The following TSHZ2 variants were observed in gnomAD, a reference collection of about 807,000 sequenced individuals.
TSHZ2 encodes the protein teashirt zinc finger homeobox 2.
A neutral mutation model predicts 74.4 loss-of-function variants in TSHZ2; 21 were observed. That is an observed-to-expected ratio of 0.28 (90% CI 0.20 to 0.41). The LOEUF (loss-of-function observed/expected upper bound fraction) is 0.41. Among genes scored for constraint, TSHZ2 ranks in the 10% least tolerant of loss-of-function variants. The pLI is 1.00. For synonymous variants in TSHZ2, 540 were observed against 515.3 expected (o/e 1.05, Z -0.65); for missense variants, 1,244 against 1,293.5 (o/e 0.96, Z 0.59).
intron 1 of TSHZ2, among the ~76,000 whole-genome samples, chr20:53,020,624 G>A (rs1983209160): frequency 6.6e-6 from 1 of 152,124 alleles, no homozygotes; most frequent in Non-Finnish European, 1.5e-5. Flanking sequence ...CTGGGCCAGG[G>A]GTGAATATCA....
At chr20:53,159,664 A>C (rs377019971) in intron 1 of TSHZ2, among the ~76,000 whole-genome samples, 1 of 151,464 alleles carries the variant, frequency 6.6e-6, no homozygotes, top group Non-Finnish European at 1.5e-5. Flanking sequence ...AAAAAAAAAA[A>C]CAGGAAAACA....
intron 2 of TSHZ2, among the ~76,000 whole-genome samples, chr20:53,314,778 C>G (rs34344491): frequency 6.6e-6 from 1 of 151,968 alleles, no homozygotes; most frequent in East Asian, 1.9e-4. Flanking sequence ...CCTGCCACCA[C>G]GCCTGGCTAA....
At chr20:53,109,699 G>A (rs1986477292) in intron 1 of TSHZ2, among the ~76,000 whole-genome samples, 1 of 152,202 alleles carries the variant, frequency 6.6e-6, no homozygotes, top group Non-Finnish European at 1.5e-5. Context: ...TGTGGATGTA[G>A]TTGCGGCTGC....
chr20:53,462,324 AC>A (rs1211950944), intron 2 of TSHZ2, among the ~76,000 whole-genome samples: 1 of 152,206 alleles, frequency 6.6e-6, no homozygotes, highest in Non-Finnish European at 1.5e-5. Context: ...GCCCATCTTA[AC>A]AGCCTCATGT....
rs571151521 is a variant in TSHZ2 at position 53,461,315 on chromosome 20, G to A, written c.*9-25829G>A. ...AGTGACCCGATTTCCAGGTGCGTCC[G>A]TCACCCTTTTCTTTGATTAGGAAAG... On this transcript the variant is annotated intron_variant, in intron 2 of 2. Transcript: ENST00000371497. 3.2e-4 allele frequency among the ~76,000 whole-genome samples: 48 copies of A among 152,318 alleles called. No homozygotes were observed. In the Middle Eastern group the frequency reaches 0.01, roughly 32 times the overall value.
chr20:53,181,230 T>C (rs1055459887), intron 1 of TSHZ2, among the ~76,000 whole-genome samples: 1 of 152,204 alleles, frequency 6.6e-6, no homozygotes, highest in African/African-American at 2.4e-5. Context: ...TGAAATGATA[T>C]TGTTCATGGG....
At chr20:53,294,918 TAA>T (rs765932442) in intron 2 of TSHZ2, among the ~76,000 whole-genome samples, 3 of 152,186 alleles carry the variant, frequency 2.0e-5, no homozygotes, top group Admixed American at 6.5e-5. Flanking sequence ...TGCGGTTACA[TAA>T]AGACACGAGT....
rs1358648334 is a variant in TSHZ2, at chr20:53,256,321, G to A, written c.2863G>A (p.Asp955Asn). The change falls in exon 2 of 3, where the codon GAC becomes AAC. Residue 955 changes from aspartate to asparagine, a missense_variant. Asp to Asn is a conservative substitution (Grantham distance 23, BLOSUM62 1). Transcript: ENST00000371497. The surrounding 1 kb of genome is among the most constrained non-coding windows in gnomAD (Gnocchi z 4.3). ...ATCTCACCTGGGTTTCCAAATGAAG[G>A]ACATGACCCGCTTGTCAGTGGACCA... ...LESHLGFQMK[D>N]MTRLSVDQQS... 1 of 1,613,838 alleles carries A rather than the reference G, an allele frequency of 6.2e-7. No homozygotes were observed. The highest frequency in any genetic ancestry group is 1.3e-5 in the African/African-American group (1 of 74,896).
intron 2 of TSHZ2, among the ~76,000 whole-genome samples, chr20:53,362,905 C>G (rs1191274256): frequency 6.6e-6 from 1 of 152,234 alleles, no homozygotes; most frequent in African/African-American, 2.4e-5. Context: ...CTCATCTCCA[C>G]ACATCAAAAG....
chr20:53,258,762 T>G (rs1441710070), intron 2 of TSHZ2, among the ~76,000 whole-genome samples: 1 of 152,214 alleles, frequency 6.6e-6, no homozygotes, highest in African/African-American at 2.4e-5. Flanking sequence ...TATATCTAAT[T>G]TGGACCTCGA....
intron 2 of TSHZ2, among the ~76,000 whole-genome samples, chr20:53,334,258 A>AG (rs1225854545): frequency 6.6e-6 from 1 of 152,140 alleles, no homozygotes; most frequent in Non-Finnish European, 1.5e-5. Flanking sequence ...AGCTCGTGGG[A>AG]GGGGGTTAGG....
intron 1 of TSHZ2, among the ~76,000 whole-genome samples, chr20:52,996,307 TTTTATTTATTTATTTATTTA>T (rs56169663): frequency 0.021 from 3,035 of 145,324 alleles, 42 homozygotes; most frequent in Middle Eastern, 0.043. Context: ...CCTTTCAGGT[TTTTATTTATTTATTTATTTA>T]TTTATTTATT....
intron 2 of TSHZ2, among the ~76,000 whole-genome samples, chr20:53,277,943 A>C (rs1031189342): frequency 2.0e-5 from 3 of 152,204 alleles, no homozygotes; most frequent in African/African-American, 4.8e-5. Flanking sequence ...TCCTCCTGCC[A>C]GGACTGATGC....
chr20:53,364,058 G>A (rs1045314402), intron 2 of TSHZ2, among the ~76,000 whole-genome samples: 3 of 152,156 alleles, frequency 2.0e-5, no homozygotes, highest in Non-Finnish European at 4.4e-5. Context: ...AAACAGGAGA[G>A]GGGAAGAAGG....
intron 1 of TSHZ2, among the ~76,000 whole-genome samples, chr20:53,010,483 G>A (rs1234376757): frequency 6.6e-6 from 1 of 152,090 alleles, no homozygotes; most frequent in Non-Finnish European, 1.5e-5. Context: ...GAACCAGCTG[G>A]ATGCAAGATC....
rs569548626 is a variant in TSHZ2 at position 53,216,701 on chromosome 20, C to T, written c.41-36798C>T. On this transcript the variant is annotated intron_variant, in intron 1 of 2. Transcript: ENST00000371497. ...CAATGTGTCACTCTCTGATTTGTCA[C>T]CTGGAGAACACAGCGCAGACATGTT... Among the ~76,000 whole-genome samples the T allele has an allele frequency of 3.5e-4, 53 of 152,322 alleles. No homozygotes were observed. In the Middle Eastern group the frequency reaches 0.01, roughly 29 times the overall value.
chr20:53,427,693 G>A (rs4811437), intron 2 of TSHZ2, among the ~76,000 whole-genome samples: 4,158 of 152,258 alleles, frequency 0.027, 173 homozygotes, highest in East Asian at 0.18. Flanking sequence ...GAAGTGAATA[G>A]CTCTATCCAC....
chr20:53,138,120 T>C (rs58660622), intron 1 of TSHZ2, among the ~76,000 whole-genome samples: 13,005 of 152,174 alleles, frequency 0.085, 819 homozygotes, highest in Admixed American at 0.18. Flanking sequence ...CAGTGGCTCA[T>C]GCCTGTAATC....
chr20:53,251,902 A>G (rs1203509470), intron 1 of TSHZ2, among the ~76,000 whole-genome samples: 1 of 152,200 alleles, frequency 6.6e-6, no homozygotes, highest in Non-Finnish European at 1.5e-5. Context: ...AGATAGCAGC[A>G]TCTCCTGTAT....
Sources: gnomAD v4.1 joint callset for allele counts (sites outside exome capture counted in the v4.1 genomes callset) on GRCh38, gnomAD v4.1.1 for gene constraint, Gnocchi (gnomAD v3.1) non-coding constraint, MANE v1.5 for transcripts, NCBI Gene and HGNC (gene_info 2026-07-23, HGNC 2026-07-21) for gene names.